The following SAMD5 variants were observed in gnomAD, a reference collection of about 807,000 sequenced individuals.
The protein encoded by SAMD5 is sterile alpha motif domain containing 5.
A neutral mutation model predicts 11.3 loss-of-function variants in SAMD5; 13 were observed. The ratio of observed to expected loss-of-function variants is 1.15; its 90% confidence interval spans 0.75 to 1.83. The LOEUF is 1.83. Among genes scored for constraint, SAMD5 ranks in the 40% most tolerant of loss-of-function variants. SAMD5 has a pLI of 0.00. For missense variants in SAMD5, 255 were observed against 239.1 expected (o/e 1.07, Z -0.44); for synonymous variants, 129 against 111.3 (o/e 1.16, Z -1.00).
intron 1 of SAMD5, among the ~76,000 whole-genome samples, chr6:147,626,746 G>A (rs1463860974): frequency 2.3e-5 from 3 of 128,746 alleles, no homozygotes; most frequent in Non-Finnish European, 4.7e-5. Context: ...TTGAAGCCAG[G>A]AGCTCAAGAC....
the SAMD5 span, among the ~76,000 whole-genome samples, chr6:147,785,884 T>C: frequency 6.6e-6 from 1 of 152,204 alleles, no homozygotes; most frequent in Non-Finnish European, 1.5e-5. Flanking sequence ...AAATTCCTAA[T>C]TTCTGAGTTG....
intron 1 of SAMD5, among the ~76,000 whole-genome samples, chr6:147,681,220 A>G (rs548615736): frequency 6.6e-6 from 1 of 152,244 alleles, no homozygotes; most frequent in African/African-American, 2.4e-5. Flanking sequence ...TGCATTTTCC[A>G]TTTTTAAAAA....
chr6:147,595,522 C>CTTTTT (rs770537446), intron 1 of SAMD5, among the ~76,000 whole-genome samples: 64 of 106,650 alleles, frequency 6.0e-4, no homozygotes, highest in African/African-American at 2.5e-3. Flanking sequence ...ACTAAACTAC[C>CTTTTT]TTTTTTTTTT....
the SAMD5 span, among the ~76,000 whole-genome samples, chr6:147,856,645 A>C: frequency 6.6e-6 from 1 of 152,220 alleles, no homozygotes; most frequent in Admixed American, 6.5e-5. Context: ...AACTATCTGC[A>C]TGATCAACAG....
the SAMD5 span, among the ~76,000 whole-genome samples, chr6:147,952,237 T>C: frequency 2.6e-5 from 4 of 152,352 alleles, no homozygotes; most frequent in African/African-American, 7.2e-5. Context: ...TACAGTCAGT[T>C]TGCTATGCAG....
chr6:147,814,097 A>G, the SAMD5 span, among the ~76,000 whole-genome samples: 375 of 152,254 alleles, frequency 2.5e-3, 2 homozygotes, highest in African/African-American at 7.5e-3. Context: ...TAGTTCATCT[A>G]TCTTTATAGG....
At chr6:147,634,145 A>G (rs1460133285) in intron 1 of SAMD5, among the ~76,000 whole-genome samples, 2 of 152,302 alleles carry the variant, frequency 1.3e-5, no homozygotes, top group South Asian at 2.1e-4. Context: ...GTGTTAGTCC[A>G]TTCTCACATA....
At chr6:147,879,547 G>A in the SAMD5 span, among the ~76,000 whole-genome samples, 1 of 152,206 alleles carries the variant, frequency 6.6e-6, no homozygotes, top group Non-Finnish European at 1.5e-5. Context: ...ATTTCACCTT[G>A]AGAATTTCAA....
chr6:147,661,211 G>A (rs1450948784), intron 1 of SAMD5, among the ~76,000 whole-genome samples: 2 of 151,906 alleles, frequency 1.3e-5, no homozygotes, highest in Non-Finnish European at 2.9e-5. Flanking sequence ...CCTAATAATT[G>A]TCATCCTTAA....
chr6:147,586,338 A>G (rs562503247), intron 1 of SAMD5, among the ~76,000 whole-genome samples: 1 of 152,316 alleles, frequency 6.6e-6, no homozygotes, highest in Non-Finnish European at 1.5e-5. Flanking sequence ...TACTTATTTT[A>G]AGAGACTGGG....
chr6:147,605,970 A>G (rs562186594), intron 1 of SAMD5, among the ~76,000 whole-genome samples: 1 of 152,246 alleles, frequency 6.6e-6, no homozygotes, highest in South Asian at 2.1e-4. Context: ...CACAAGATAC[A>G]GCAGATATTT....
chr6:147,727,062 T>G (rs1237164851), intron 1 of SAMD5, among the ~76,000 whole-genome samples: 1 of 152,162 alleles, frequency 6.6e-6, no homozygotes, highest in East Asian at 1.9e-4. Flanking sequence ...CTTTTAACTT[T>G]CAGGCCCAAA....
At chr6:147,934,495 G>A in the SAMD5 span, among the ~76,000 whole-genome samples, 2 of 152,234 alleles carry the variant, frequency 1.3e-5, no homozygotes, top group East Asian at 3.9e-4. Flanking sequence ...ATGAGAAGGT[G>A]AAACGAAAAT....
chr6:147,593,574 C>T (rs6930979), intron 1 of SAMD5, among the ~76,000 whole-genome samples: 7,268 of 152,224 alleles, frequency 0.048, 511 homozygotes, highest in African/African-American at 0.16. Flanking sequence ...TAGTATTAGT[C>T]ACTTGCAATT....
At chr6:147,861,475 T>C in the SAMD5 span, among the ~76,000 whole-genome samples, 1 of 152,088 alleles carries the variant, frequency 6.6e-6, no homozygotes, top group African/African-American at 2.4e-5. Flanking sequence ...CCACTGTGAT[T>C]ATTTCTAAAA....
At chr6:147,919,956 A>T in the SAMD5 span, among the ~76,000 whole-genome samples, 4 of 152,198 alleles carry the variant, frequency 2.6e-5, no homozygotes, top group African/African-American at 9.6e-5. Context: ...CATGGTTTTT[A>T]CTAAATCCCT....
chr6:147,783,795 C>G, the SAMD5 span, among the ~76,000 whole-genome samples: 4 of 152,138 alleles, frequency 2.6e-5, no homozygotes, highest in Non-Finnish European at 4.4e-5. Context: ...AGGTATTTTT[C>G]TTCATTTCCT....
chr6:147,582,375 G>C (rs1789702), intron 1 of SAMD5, among the ~76,000 whole-genome samples: 1 of 151,934 alleles, frequency 6.6e-6, no homozygotes, highest in Admixed American at 6.6e-5. Context: ...CTGCAGATAA[G>C]TTAATAGGCT....
chr6:147,634,304 T>C (rs1340207874), intron 1 of SAMD5, among the ~76,000 whole-genome samples: 1 of 152,100 alleles, frequency 6.6e-6, no homozygotes, highest in Non-Finnish European at 1.5e-5. Context: ...AAGCCCCTCT[T>C]AGATGGCCAG....
Sources: allele counts gnomAD v4.1 joint callset (sites outside exome capture counted in the v4.1 genomes callset), GRCh38; gene constraint gnomAD v4.1.1; transcripts MANE v1.5; gene names NCBI Gene and HGNC (gene_info 2026-07-23, HGNC 2026-07-21).